ZFPM2: variants seen among roughly 807,000 people sequenced by gnomAD.
ZFPM2 encodes zinc finger protein ZFPM2.
ZFPM2 carries 20 observed loss-of-function variants against 98.6 expected under a neutral mutation model. The observed-to-expected ratio is 0.20, with a 90% CI of 0.14 to 0.29. The LOEUF (loss-of-function observed/expected upper bound fraction) is 0.29. ZFPM2 is among the 10% of genes least tolerant of loss of function. The pLI is 1.00. For synonymous variants in ZFPM2, 518 were observed against 502.7 expected (o/e 1.03, Z -0.41); for missense variants, 1,310 against 1,388.6 (o/e 0.94, Z 0.90).
rs201169130 is a variant in ZFPM2, at chr8:105,680,195, G to A, written c.532+45838G>A. Reference sequence around the variant, plus strand: ...AGGCTTGAATACTACATTGTCTGTTGTGGACCTTTCTTCAAGTCTTCCATT... The same window carrying A: ...AGGCTTGAATACTACATTGTCTGTTATGGACCTTTCTTCAAGTCTTCCATT... On this transcript the variant is annotated intron_variant, in intron 5 of 7. Coordinates refer to ENST00000407775, the MANE Select transcript of ZFPM2 (RefSeq NM_012082.4). 9.2e-5 allele frequency among the ~76,000 whole-genome samples: 14 copies of A among 152,252 alleles called. No individual in the cohort carries two copies. In the East Asian group the frequency reaches 2.1e-3, roughly 23 times the overall value.
chr8:105,632,995 T>C, intron 4 of ZFPM2, among the ~76,000 whole-genome samples: 1 of 152,340 alleles, frequency 6.6e-6, no homozygotes, highest in East Asian at 1.9e-4. Context: ...ATAATTGATA[T>C]TTTAATAAAT....
chr8:105,593,278 CA>C (rs767714412), intron 4 of ZFPM2, among the ~76,000 whole-genome samples: 104 of 151,968 alleles, frequency 6.8e-4, no homozygotes, highest in Admixed American at 2.3e-3. Context: ...AAAGAATTAC[CA>C]AAATTCTGTC....
chr8:105,762,419 G>T (rs753258531), intron 5 of ZFPM2, among the ~76,000 whole-genome samples: 2 of 151,746 alleles, frequency 1.3e-5, no homozygotes, highest in Non-Finnish European at 1.5e-5. Context: ...AGCCACCAAG[G>T]GTCCTGATTA....
At chr8:105,559,690 A>G (rs1416574024) in intron 3 of ZFPM2, among the ~76,000 whole-genome samples, 1 of 152,206 alleles carries the variant, frequency 6.6e-6, no homozygotes, top group African/African-American at 2.4e-5. Context: ...TAATGAAAAC[A>G]TGAACAATAA....
chr8:105,336,247 G>C (rs772131641), intron 1 of ZFPM2, among the ~76,000 whole-genome samples: 6 of 151,572 alleles, frequency 4.0e-5, no homozygotes, highest in Non-Finnish European at 7.4e-5. Context: ...TTGTAAAGAC[G>C]AGGTTATTAA....
chr8:105,799,911 T>TTTGTC (rs1306699892), intron 7 of ZFPM2, among the ~76,000 whole-genome samples: 3 of 152,184 alleles, frequency 2.0e-5, no homozygotes. Context: ...AGTTCAAGCT[T>TTTGTC]TTGTCTTTGA....
rs530480976 is a variant in ZFPM2, at chr8:105,706,504, A to G, written c.532+72147A>G. Among the ~76,000 whole-genome samples, 3 of 152,144 alleles carry G rather than the reference A, an allele frequency of 2.0e-5. No homozygotes were observed. In the South Asian group the frequency reaches 6.2e-4, roughly 32 times the overall value. ...AACTGTGATATGGTATGTGTTCTAG[A>G]GATTTTGTTTTTATATTTTTTTGTT... On this transcript the variant is annotated intron_variant, in intron 5 of 7. Transcript: ENST00000407775.
chr8:105,674,674 G>C (rs1301843271), intron 5 of ZFPM2, among the ~76,000 whole-genome samples: 2 of 152,156 alleles, frequency 1.3e-5, no homozygotes, highest in Non-Finnish European at 2.9e-5. Flanking sequence ...AGCATTGGTG[G>C]ATAGGATAGA....
intron 4 of ZFPM2, among the ~76,000 whole-genome samples, chr8:105,623,209 G>A (rs991073301): frequency 6.6e-6 from 1 of 151,754 alleles, no homozygotes; most frequent in Admixed American, 6.6e-5. Flanking sequence ...TTAATAATTT[G>A]TCTCAGAAAA....
At chr8:105,537,828 T>C (rs1335002560) in intron 3 of ZFPM2, among the ~76,000 whole-genome samples, 1 of 152,098 alleles carries the variant, frequency 6.6e-6, no homozygotes, top group African/African-American at 2.4e-5. Context: ...CCTCCTGGAT[T>C]CAAGTGATTC....
At chr8:105,546,809 A>G (rs1222453036) in intron 3 of ZFPM2, among the ~76,000 whole-genome samples, 1 of 152,108 alleles carries the variant, frequency 6.6e-6, no homozygotes, top group African/African-American at 2.4e-5. Context: ...TTTTTCTAAT[A>G]TGGTCTGAAT....
chr8:105,624,828 A>C (rs1247372110), intron 4 of ZFPM2, among the ~76,000 whole-genome samples: 3 of 152,184 alleles, frequency 2.0e-5, no homozygotes, highest in African/African-American at 7.2e-5. Flanking sequence ...ATGATTATTT[A>C]AATTTTTGGT....
chr8:105,681,957 GTC>G (rs1169322135), intron 5 of ZFPM2, among the ~76,000 whole-genome samples: 1 of 152,002 alleles, frequency 6.6e-6, no homozygotes, highest in Non-Finnish European at 1.5e-5. Flanking sequence ...TATCTCCATT[GTC>G]TGATACGTGC....
intron 5 of ZFPM2, among the ~76,000 whole-genome samples, chr8:105,675,321 A>G (rs115496748): frequency 0.012 from 1,844 of 152,266 alleles, 31 homozygotes; most frequent in African/African-American, 0.041. Flanking sequence ...TCTTCTGAGA[A>G]TTTGACCAAG....
At position 105,580,831 on chromosome 8, in the gene ZFPM2, A is replaced by C. The variant is rs561952928; in HGVS notation, c.420+19350A>C. Among the ~76,000 whole-genome samples, 117 of 145,914 alleles carry C rather than the reference A, an allele frequency of 8.0e-4. 1 individual carries two copies. Among genetic ancestry groups the C allele is most frequent in the South Asian group, 2.6e-3 (12 of 4,622 alleles). On this transcript the variant is annotated intron_variant, in intron 4 of 7. Coordinates refer to ENST00000407775, the MANE Select transcript of ZFPM2 (RefSeq NM_012082.4). ...TCTCTCTCTCTCTCTCTCTCTCTAT[A>C]TATATATATATATAAATCACTGAGA...
At chr8:105,663,265 C>T (rs867189553) in intron 5 of ZFPM2, among the ~76,000 whole-genome samples, 8 of 152,132 alleles carry the variant, frequency 5.3e-5, no homozygotes, top group Admixed American at 6.5e-5. Context: ...CTAACAGTCA[C>T]GCAGATAATT....
In ZFPM2 at chr8:105,355,357, A is replaced by G. The variant is rs538025855; in HGVS notation, c.40+36376A>G. On this transcript the variant is annotated intron_variant, in intron 1 of 7. Transcript: ENST00000407775. ...TTGCACTGAAAATTCTTCAGACACA[A>G]ATTCTTTAATCCTTTCTTATGGTAT... 4.6e-5 allele frequency among the ~76,000 whole-genome samples: 7 copies of G among 152,260 alleles called. No homozygotes were observed. The East Asian group carries it at 1.4e-3, about 29-fold the overall frequency.
chr8:105,553,633 C>G (rs1275633376), intron 3 of ZFPM2, among the ~76,000 whole-genome samples: 3 of 152,140 alleles, frequency 2.0e-5, no homozygotes, highest in Non-Finnish European at 2.9e-5. Flanking sequence ...GCTGCTGTCA[C>G]CCAGTACCTC....
intron 3 of ZFPM2, among the ~76,000 whole-genome samples, chr8:105,509,585 A>G (rs918811762): frequency 6.6e-6 from 1 of 152,206 alleles, no homozygotes; most frequent in African/African-American, 2.4e-5. Context: ...GAAAATGGAA[A>G]TACTATTAAA....
Sources: gnomAD v4.1 joint callset for allele counts (sites outside exome capture counted in the v4.1 genomes callset) on GRCh38, gnomAD v4.1.1 for gene constraint, MANE v1.5 for transcripts, NCBI Gene and HGNC (gene_info 2026-07-23, HGNC 2026-07-21) for gene names.